SIVA1: variants seen among roughly 807,000 people sequenced by gnomAD.
The protein encoded by SIVA1 is SIVA1 apoptosis inducing factor.
In SIVA1, 10 loss-of-function variants were observed where a neutral mutation model predicts 19.7. The ratio of observed to expected loss-of-function variants is 0.51; its 90% confidence interval spans 0.31 to 0.86. SIVA1 has a LOEUF of 0.86. Among genes scored for constraint, SIVA1 ranks in the 40% least tolerant of loss-of-function variants. The pLI is 0.04. For missense variants in SIVA1, 241 were observed against 245.2 expected (o/e 0.98, Z 0.11); for synonymous variants, 130 against 106.1 (o/e 1.23, Z -1.39).
chr14:104,757,142 G>A (rs369052887), intron 3 of SIVA1: 9 of 335,806 alleles, frequency 2.7e-5, no homozygotes, highest in South Asian at 9.7e-5. Flanking sequence ...ACAGTCATGC[G>A]TGCCGTTTGG....
At chr14:104,755,935 C>G in intron 2 of SIVA1, 111 bp downstream of exon 2, 1 of 1,050,970 alleles carries the variant, frequency 9.5e-7, no homozygotes, top group African/African-American at 1.6e-5. Context: ...AAGCAGGACT[C>G]TGACCCAGAG....
At chr14:104,754,176 C>T (rs770273893) in intron 1 of SIVA1, among the ~76,000 whole-genome samples, 7 of 152,122 alleles carry the variant, frequency 4.6e-5, no homozygotes, top group Middle Eastern at 3.4e-3. Context: ...TGATTAATAC[C>T]CTGGGGCAGG....
intron 1 of SIVA1, chr14:104,753,746 A>G (rs1262583614): frequency 2.2e-6 from 1 of 451,420 alleles, no homozygotes; most frequent in Non-Finnish European, 4.5e-6. Flanking sequence ...GTATTCATGG[A>G]GCGCGCGGCC....
intron 1 of SIVA1, 37 bp downstream of exon 1, chr14:104,753,356 C>A: frequency 2.1e-6 from 3 of 1,434,822 alleles, no homozygotes; most frequent in Non-Finnish European, 1.9e-6. Context: ...TCCGCTGCGT[C>A]GGGGCCTGGA....
chr14:104,753,426 T>G (rs1891773814), intron 1 of SIVA1, 107 bp downstream of exon 1: 6 of 738,342 alleles, frequency 8.1e-6, no homozygotes, highest in Non-Finnish European at 1.3e-5. Context: ...GGCCCTGCTT[T>G]CTGGCCCCGC....
At chr14:104,756,502 C>T (rs1891892416) in intron 2 of SIVA1, 102 bp from the exon 3 acceptor site, 2 of 1,392,108 alleles carry the variant, frequency 1.4e-6, no homozygotes, top group African/African-American at 1.4e-5. Flanking sequence ...GTAGGCAGGT[C>T]AGAGCCCTCT....
In SIVA1 at chr14:104,756,627, G is replaced by T. The variant is rs143803844; in HGVS notation, c.337G>T (p.Ala113Ser). The change falls in exon 3 of 4, where the codon GCC becomes TCC. Residue 113 changes from alanine to serine, a missense_variant. By Grantham distance (99) the Ala-to-Ser change is moderately conservative. Coordinates refer to ENST00000329967, the MANE Select transcript of SIVA1 (RefSeq NM_006427.4). ...EADPSGVASIACSSCVRAVDG... is the reference protein window; with the variant it reads ...EADPSGVASISCSSCVRAVDG... ...AGACCCATCTGGGGTAGCGTCCATT[G>T]CCTGTTCCTCATGCGTGCGAGCCGT... 2.5e-6 allele frequency: 4 copies of T among 1,614,106 alleles called. No homozygotes were observed. In the African/African-American group the frequency reaches 4.0e-5, roughly 16 times the overall value.
chr14:104,755,051 G>A (rs73362590), intron 1 of SIVA1, among the ~76,000 whole-genome samples: 1,935 of 152,326 alleles, frequency 0.013, 31 homozygotes, highest in African/African-American at 0.044. Context: ...ATGGGTGGGT[G>A]TTCTAGAACA....
At chr14:104,753,428 T>TGGCCCCGCGTTCCC (rs1891774052) in intron 1 of SIVA1, 109 bp downstream of exon 1, 1 of 723,612 alleles carries the variant, frequency 1.4e-6, no homozygotes, top group Middle Eastern at 3.9e-4. Context: ...CCCTGCTTTC[T>TGGCCCCGCGTTCCC]GGCCCCGCGT....
At chr14:104,758,934 G>A (rs1464370460) in intron 3 of SIVA1, 2 of 152,932 alleles carry the variant, frequency 1.3e-5, no homozygotes, top group Non-Finnish European at 1.5e-5. Flanking sequence ...CCCAGGTTGG[G>A]CCCCATGTGG....
In SIVA1 at chr14:104,759,168, T is replaced by G. The variant is rs540330795; in HGVS notation, c.471-260T>G. 127 of 362,162 alleles carry G rather than the reference T, an allele frequency of 3.5e-4. No homozygotes were observed. In the East Asian group the frequency reaches 5.9e-3, roughly 17 times the overall value. 22.4% of individuals were successfully genotyped at this position (362,162 alleles called of 1,614,324 possible). On this transcript the variant is annotated intron_variant, in intron 3 of 3. Coordinates refer to ENST00000329967, the MANE Select transcript of SIVA1 (RefSeq NM_006427.4). This position sits in a 1 kb window ranked among gnomAD's most constrained non-coding sequence, Gnocchi z 4.2. The stretch of plus-strand genomic sequence containing the variant: ...GTGTTCCCTGTAGACAGCTGCCCCC[T>G]CCCTGTATCTTCATGTCGTCTTCCT...
intron 3 of SIVA1, chr14:104,758,287 T>G (rs1226845379): frequency 6.6e-6 from 1 of 152,386 alleles, no homozygotes; most frequent in East Asian, 1.9e-4. Flanking sequence ...CCGGTGGCGG[T>G]GAGGGGCTGT....
At chr14:104,757,095 C>A in intron 3 of SIVA1, 1 of 397,626 alleles carries the variant, frequency 2.5e-6, no homozygotes, top group Non-Finnish European at 4.7e-6. Context: ...CCGAGGAGCC[C>A]CTGGTTGGTG....
Position 104,759,424 on chromosome 14 carries a change from G to A in SIVA1, c.471-4G>A, listed in dbSNP as rs371919593. On this transcript the variant is annotated splice_polypyrimidine_tract_variant and splice_region_variant and intron_variant, in intron 3 of 3. Transcript: ENST00000329967. The surrounding 1 kb of genome is among the most constrained non-coding windows in gnomAD (Gnocchi z 4.2). The stretch of plus-strand genomic sequence containing the variant: ...TTTCTCTCCCCTCCCTGACGCTGTC[G>A]CAGCTGCAGTGACATGTACGAGAAA... 9 of 1,612,636 alleles carry A rather than the reference G, an allele frequency of 5.6e-6. No individual in the cohort carries two copies. Among genetic ancestry groups the A allele is most frequent in the African/African-American group, 1.3e-5 (1 of 74,882 alleles).
chr14:104,755,846 T>C, intron 2 of SIVA1, 22 bp downstream of exon 2: 2 of 1,607,912 alleles, frequency 1.2e-6, no homozygotes, highest in East Asian at 4.5e-5. Context: ...CAGCAGCCCT[T>C]TGTGGCTGTG....
intron 2 of SIVA1, 91 bp downstream of exon 2, chr14:104,755,915 C>T: frequency 8.0e-7 from 1 of 1,257,340 alleles, no homozygotes; most frequent in Non-Finnish European, 1.1e-6. Context: ...CAGGCTTTTC[C>T]TCCCTGGGTA....
In SIVA1 at chr14:104,754,487, G is replaced by C. The variant is rs527462311; in HGVS notation, c.119-1143G>C. On this transcript the variant is annotated intron_variant, in intron 1 of 3. Coordinates refer to ENST00000329967, the MANE Select transcript of SIVA1 (RefSeq NM_006427.4). ...AATTCAAACACTGTGCAGGCAAGAA[G>C]AGGAAGATGGAAATGGGGCCTGGCT... Among the ~76,000 whole-genome samples the C allele has an allele frequency of 8.5e-5, 13 of 152,344 alleles. No homozygotes were observed. In the East Asian group the frequency reaches 2.5e-3, roughly 29 times the overall value.
At chr14:104,758,723 C>G (rs1290058432) in intron 3 of SIVA1, 2 of 152,294 alleles carry the variant, frequency 1.3e-5, no homozygotes, top group African/African-American at 4.8e-5. Context: ...CTCCTGACCT[C>G]AGGTGATCCT....
intron 3 of SIVA1, chr14:104,758,136 T>G (rs543295630): frequency 1.3e-4 from 20 of 152,388 alleles, no homozygotes; most frequent in African/African-American, 4.8e-4. Context: ...GGACCAGGCG[T>G]CGCAGGAGTG....
Sources: allele counts gnomAD v4.1 joint callset (sites outside exome capture counted in the v4.1 genomes callset), GRCh38; gene constraint gnomAD v4.1.1; non-coding constraint Gnocchi (gnomAD v3.1); transcripts MANE v1.5; gene names NCBI Gene and HGNC (gene_info 2026-07-23, HGNC 2026-07-21).